CNTN5: variants seen among roughly 807,000 people sequenced by gnomAD.
CNTN5 encodes contactin 5.
Under a neutral mutation model 129.1 loss-of-function variants are expected in CNTN5, and 77 were observed. The observed-to-expected ratio is 0.60, with a 90% CI of 0.50 to 0.72. The LOEUF (loss-of-function observed/expected upper bound fraction) is 0.72, where lower values mean the gene tolerates loss of function less well. Among genes scored for constraint, CNTN5 ranks in the 30% least tolerant of loss-of-function variants. CNTN5 has a pLI of 0.00. For missense variants in CNTN5, 1,478 were observed against 1,328.8 expected, an observed-to-expected ratio of 1.11 and a Z score of -1.75; for synonymous variants, 509 against 465.6, an observed-to-expected ratio of 1.09 and a Z score of -1.20.
intron 1 of CNTN5, among the ~76,000 whole-genome samples, chr11:99,057,911 G>A (rs963433369): frequency 6.6e-6 from 1 of 151,524 alleles, no homozygotes; most frequent in African/African-American, 2.4e-5. Context: ...TGCCATAGAA[G>A]GTTGTATTTA....
chr11:99,110,466 A>G (rs963865359), intron 1 of CNTN5, among the ~76,000 whole-genome samples: 1 of 152,144 alleles, frequency 6.6e-6, no homozygotes, highest in Non-Finnish European at 1.5e-5. Flanking sequence ...TAAGTATTGT[A>G]AGCAATGTTG....
intron 13 of CNTN5, among the ~76,000 whole-genome samples, chr11:100,135,818 C>A (rs80075374): frequency 6.6e-6 from 1 of 151,968 alleles, no homozygotes; most frequent in Non-Finnish European, 1.5e-5. Context: ...ATCTTTCATT[C>A]GGGTTTATGA....
At chr11:99,780,207 T>C (rs1591159608) in intron 3 of CNTN5, among the ~76,000 whole-genome samples, 1 of 152,178 alleles carries the variant, frequency 6.6e-6, no homozygotes, top group African/African-American at 2.4e-5. Context: ...AATTAAGCCT[T>C]TTGCATGCAG....
intron 3 of CNTN5, among the ~76,000 whole-genome samples, chr11:99,640,415 A>G (rs1565378598): frequency 6.6e-6 from 1 of 152,142 alleles, no homozygotes; most frequent in Non-Finnish European, 1.5e-5. Context: ...AAAAGCGGAA[A>G]CCCCTGATAA....
chr11:99,775,735 G>A (rs138380567), intron 3 of CNTN5, among the ~76,000 whole-genome samples: 13 of 151,884 alleles, frequency 8.6e-5, no homozygotes, highest in Admixed American at 2.0e-4. Context: ...TTGTACTCAC[G>A]TTATGATAAT....
chr11:100,042,257 A>T (rs1476786891), intron 9 of CNTN5, among the ~76,000 whole-genome samples: 1 of 151,906 alleles, frequency 6.6e-6, no homozygotes, highest in Non-Finnish European at 1.5e-5. Context: ...AGAATCATAA[A>T]AGGAAAAAAA....
At chr11:100,120,073 T>C (rs1001587459) in intron 13 of CNTN5, among the ~76,000 whole-genome samples, 1 of 125,626 alleles carries the variant, frequency 8.0e-6, no homozygotes, top group African/African-American at 3.2e-5. Context: ...CACAGCAAAA[T>C]GTTAATGATT....
intron 18 of CNTN5, among the ~76,000 whole-genome samples, chr11:100,285,524 T>A (rs1408395752): frequency 6.6e-6 from 1 of 152,206 alleles, no homozygotes; most frequent in Non-Finnish European, 1.5e-5. Flanking sequence ...GTACTATTTC[T>A]CAATATGTAG....
intron 16 of CNTN5, among the ~76,000 whole-genome samples, chr11:100,228,453 T>C (rs1179223659): frequency 6.6e-6 from 1 of 152,208 alleles, no homozygotes; most frequent in Admixed American, 6.5e-5. Context: ...AACCTGTCTT[T>C]CAATTGAACT....
intron 21 of CNTN5, among the ~76,000 whole-genome samples, chr11:100,339,926 C>T (rs1165208923): frequency 6.6e-6 from 1 of 152,166 alleles, no homozygotes; most frequent in African/African-American, 2.4e-5. Flanking sequence ...CCTCCACCCT[C>T]CCTACCCCCA....
At chr11:99,380,586 A>G (rs1940482600) in intron 2 of CNTN5, among the ~76,000 whole-genome samples, 1 of 152,108 alleles carries the variant, frequency 6.6e-6, no homozygotes, top group African/African-American at 2.4e-5. Context: ...CCTGGCCCAC[A>G]TGGTGAGACC....
chr11:99,500,690 T>C (rs1199192612), intron 2 of CNTN5, among the ~76,000 whole-genome samples: 1 of 152,172 alleles, frequency 6.6e-6, no homozygotes, highest in Non-Finnish European at 1.5e-5. Context: ...AATTTATGTA[T>C]GTATTGTTTA....
intron 1 of CNTN5, among the ~76,000 whole-genome samples, chr11:99,131,237 G>C (rs1858917576): frequency 1.7e-5 from 1 of 57,288 alleles, no homozygotes; most frequent in Non-Finnish European, 3.0e-5. Context: ...GACAGAGTGA[G>C]ACTCCATCTC....
chr11:99,530,537 G>A (rs1947659916), intron 2 of CNTN5, among the ~76,000 whole-genome samples: 1 of 152,164 alleles, frequency 6.6e-6, no homozygotes, highest in Non-Finnish European at 1.5e-5. Flanking sequence ...CACTCTGGTG[G>A]GAAGTGAGCA....
At chr11:99,968,656 C>CTCTTTTTTT (rs1951161575) in intron 8 of CNTN5, among the ~76,000 whole-genome samples, 5 of 73,908 alleles carry the variant, frequency 6.8e-5, no homozygotes, top group African/African-American at 1.4e-4. Context: ...GCTTTGGGTA[C>CTCTTTTTTT]TTTTTTTTTT....
intron 13 of CNTN5, among the ~76,000 whole-genome samples, chr11:100,182,824 GAA>G (rs1188595740): frequency 6.6e-6 from 1 of 151,708 alleles, no homozygotes; most frequent in Non-Finnish European, 1.5e-5. Context: ...TCTGTTTTTG[GAA>G]AAACATTGAG....
intron 13 of CNTN5, among the ~76,000 whole-genome samples, chr11:100,186,763 T>A (rs999786709): frequency 2.6e-5 from 4 of 152,240 alleles, no homozygotes; most frequent in Admixed American, 2.6e-4. Context: ...TCCCCATATA[T>A]GAAAATTCTA....
At chr11:99,366,129 G>A (rs753082222) in intron 2 of CNTN5, among the ~76,000 whole-genome samples, 4 of 152,120 alleles carry the variant, frequency 2.6e-5, no homozygotes, top group South Asian at 2.1e-4. Flanking sequence ...TGGAATTACC[G>A]AAAGCCTTAA....
At chr11:99,201,453 C>T (rs2897526) in intron 1 of CNTN5, among the ~76,000 whole-genome samples, 95,883 of 148,902 alleles carry the variant, frequency 0.64, 31,257 homozygotes, top group East Asian at 0.95. Flanking sequence ...CTTTCTCTTT[C>T]CTTTTTTTCT....
Sources: allele counts gnomAD v4.1 joint callset (sites outside exome capture counted in the v4.1 genomes callset), GRCh38; gene constraint gnomAD v4.1.1; transcripts MANE v1.5; gene names NCBI Gene and HGNC (gene_info 2026-07-23, HGNC 2026-07-21).